LRBA: variants seen among roughly 807,000 people sequenced by gnomAD.
LRBA encodes lipopolysaccharide-responsive and beige-like anchor protein.
Under a neutral mutation model 330.0 loss-of-function variants are expected in LRBA, and 176 were observed. The ratio of observed to expected loss-of-function variants is 0.53; its 90% CI spans 0.47 to 0.60. The LOEUF is 0.60. Ranked by LOEUF, LRBA falls within the 20% of genes least tolerant of loss-of-function variation. The pLI is 0.00. For synonymous variants in LRBA, 1,230 were observed against 1,193.0 expected, an observed-to-expected ratio of 1.03 and a Z score of -0.64; for missense variants, 3,259 against 3,444.8, an observed-to-expected ratio of 0.95 and a Z score of 1.35.
chr4:150,960,500 A>G (rs899948036), intron 2 of LRBA, among the ~76,000 whole-genome samples: 6 of 149,128 alleles, frequency 4.0e-5, no homozygotes, highest in Admixed American at 2.0e-4. Context: ...CGTGTTTTTT[A>G]AAACTAAGAA....
In LRBA at chr4:150,866,889, CTT is replaced by C. The variant is rs202059059; in HGVS notation, c.2766+780_2766+781del. Among the ~76,000 whole-genome samples the C allele has an allele frequency of 9.2e-3, 1,401 of 151,922 alleles. 20 individuals carry two copies. Among genetic ancestry groups the C allele is most frequent in the African/African-American group, 0.032 (1,344 of 41,440 alleles). ...AAGTGCAAACATAAAAAATAAAACT[CTT>C]TATTGTTTAGAGTTATATACACGTA... On this transcript the variant is annotated intron_variant, in intron 22 of 56. Transcript: ENST00000651943.
At chr4:150,579,496 T>C (rs2126342602) in intron 40 of LRBA, 1 of 381,018 alleles carries the variant, frequency 2.6e-6, no homozygotes, top group Admixed American at 3.3e-5. Flanking sequence ...GTTTAACTGA[T>C]TTATTATTTA....
In LRBA at chr4:151,014,712, A is replaced by G; in HGVS notation, c.-70T>C. The G allele has an allele frequency of 1.0e-6, 1 of 999,788 alleles. No individual in the cohort carries two copies. The highest frequency in any genetic ancestry group is 1.5e-6 in the Non-Finnish European group (1 of 675,526). The allele number at this position is 999,788 out of a possible 1,614,324, so 61.9% of individuals were successfully genotyped here. A position where few individuals can be genotyped will look rare whatever the true frequency, so the allele number is the denominator to read the frequency against. ...CAGTCGCTGCACTGGTAATGAGCACAACACACGCAATGCAAAACGAAAGGG... is the reference window on the plus strand; with the variant it reads ...CAGTCGCTGCACTGGTAATGAGCACGACACACGCAATGCAAAACGAAAGGG... On this transcript the variant is annotated 5_prime_UTR_variant, in exon 2 of 57. Coordinates refer to ENST00000651943, the MANE Select transcript of LRBA (RefSeq NM_001364905.1).
At chr4:150,930,141 C>A (rs981769503) in intron 2 of LRBA, among the ~76,000 whole-genome samples, 1 of 151,902 alleles carries the variant, frequency 6.6e-6, no homozygotes, top group African/African-American at 2.4e-5. Context: ...ACGGTGAAAC[C>A]CCATCTCTAC....
intron 47 of LRBA, among the ~76,000 whole-genome samples, chr4:150,399,095 C>G (rs1200558704): frequency 6.6e-6 from 1 of 152,072 alleles, no homozygotes; most frequent in Non-Finnish European, 1.5e-5. Flanking sequence ...CTTAAAATTG[C>G]TATGCACATA....
chr4:150,539,404 G>T (rs1469293858), intron 40 of LRBA, among the ~76,000 whole-genome samples: 1 of 152,018 alleles, frequency 6.6e-6, no homozygotes, highest in Non-Finnish European at 1.5e-5. Flanking sequence ...CTATTCTAAG[G>T]TATTTTCTTC....
At chr4:150,400,083 T>C (rs576609804) in intron 47 of LRBA, among the ~76,000 whole-genome samples, 25 of 152,338 alleles carry the variant, frequency 1.6e-4, no homozygotes, top group African/African-American at 5.8e-4. Context: ...ACAGCCATTT[T>C]AGAGAAGTGT....
At chr4:150,277,442 T>A (rs958497971) in intron 56 of LRBA, among the ~76,000 whole-genome samples, 3 of 152,070 alleles carry the variant, frequency 2.0e-5, no homozygotes, top group Admixed American at 2.0e-4. Context: ...TTCAAAGAAA[T>A]ATAAAAAGCT....
At chr4:150,464,437 T>C (rs942568622) in intron 44 of LRBA, among the ~76,000 whole-genome samples, 3 of 152,080 alleles carry the variant, frequency 2.0e-5, no homozygotes, top group Non-Finnish European at 4.4e-5. Flanking sequence ...GCATGGCTCA[T>C]TACACAAGTC....
At chr4:150,385,522 G>A (rs2151897334) in intron 47 of LRBA, among the ~76,000 whole-genome samples, 1 of 152,182 alleles carries the variant, frequency 6.6e-6, no homozygotes, top group Admixed American at 6.6e-5. Flanking sequence ...ATTAAAGAGA[G>A]TAAGAGAAAA....
intron 17 of LRBA, among the ~76,000 whole-genome samples, chr4:150,875,672 C>G (rs1002622298): frequency 1.3e-5 from 2 of 152,094 alleles, no homozygotes; most frequent in Admixed American, 1.3e-4. Context: ...GCCACACCCC[C>G]TATGAAGACA....
At chr4:150,985,483 T>C (rs1213456686) in intron 2 of LRBA, among the ~76,000 whole-genome samples, 2 of 150,976 alleles carry the variant, frequency 1.3e-5, no homozygotes, top group African/African-American at 2.4e-5. Context: ...AGAATTGCAC[T>C]TTTTTTTAAT....
intron 37 of LRBA, among the ~76,000 whole-genome samples, chr4:150,610,987 T>C (rs977618331): frequency 1.1e-4 from 16 of 152,152 alleles, no homozygotes; most frequent in Admixed American, 7.9e-4. Flanking sequence ...CTAAAACACA[T>C]ATAGAATAAA....
chr4:150,873,737 T>C (rs918938718), intron 17 of LRBA, among the ~76,000 whole-genome samples: 10 of 152,234 alleles, frequency 6.6e-5, no homozygotes, highest in African/African-American at 2.4e-4. Flanking sequence ...GAAACTCTTA[T>C]AATTACTTAT....
intron 34 of LRBA, among the ~76,000 whole-genome samples, chr4:150,794,958 TTTC>T (rs1484642447): frequency 6.6e-6 from 1 of 152,152 alleles, no homozygotes; most frequent in African/African-American, 2.4e-5. Context: ...GAAGGAATGA[TTTC>T]TAGTCTACAA....
At chr4:150,348,065 T>C (rs1201366148) in intron 48 of LRBA, among the ~76,000 whole-genome samples, 2 of 152,234 alleles carry the variant, frequency 1.3e-5, no homozygotes, top group Non-Finnish European at 2.9e-5. Context: ...CATGGTTTAT[T>C]AGACAGTGCA....
intron 21 of LRBA, 41 bp downstream of exon 21, chr4:150,868,141 C>CATTTGAA (rs1402395811): frequency 1.3e-6 from 2 of 1,560,494 alleles, no homozygotes. Flanking sequence ...TACAAAAGTA[C>CATTTGAA]ATTTGAATAC....
intron 30 of LRBA, among the ~76,000 whole-genome samples, chr4:150,821,131 A>G (rs1221511626): frequency 1.3e-5 from 2 of 152,158 alleles, no homozygotes; most frequent in African/African-American, 4.8e-5. Flanking sequence ...AAGAACAATT[A>G]TTGGAACTTT....
intron 38 of LRBA, among the ~76,000 whole-genome samples, chr4:150,592,159 T>G (rs1772956197): frequency 1.4e-5 from 2 of 143,914 alleles, no homozygotes; most frequent in African/African-American, 2.6e-5. Context: ...TTTTTTTTTT[T>G]TTTTTTTTTT....
Sources: allele counts gnomAD v4.1 joint callset (sites outside exome capture counted in the v4.1 genomes callset), GRCh38; gene constraint gnomAD v4.1.1; transcripts MANE v1.5; gene names NCBI Gene and HGNC (gene_info 2026-07-23, HGNC 2026-07-21).